The following IQUB variants were observed in gnomAD, a reference collection of about 807,000 sequenced individuals.
IQUB encodes IQ motif and ubiquitin domain containing.
Under a neutral mutation model 86.4 loss-of-function variants are expected in IQUB, and 86 were observed. That is an observed-to-expected ratio of 1.00 (90% CI 0.84 to 1.19). The LOEUF (loss-of-function observed/expected upper bound fraction) is 1.19. IQUB is among the 50% of genes most tolerant of loss of function. The pLI is 0.00. For missense variants in IQUB, 946 were observed against 916.9 expected (o/e 1.03, Z -0.41); for synonymous variants, 289 against 304.5 (o/e 0.95, Z 0.53).
chr7:123,466,503 C>G (rs895261775), intron 9 of IQUB, among the ~76,000 whole-genome samples: 4 of 152,086 alleles, frequency 2.6e-5, no homozygotes, highest in Non-Finnish European at 5.9e-5. Context: ...AGGTGGGTCA[C>G]TACACAAACA....
chr7:123,523,822 T>G (rs1026199701), intron 1 of IQUB, among the ~76,000 whole-genome samples: 1 of 152,124 alleles, frequency 6.6e-6, no homozygotes, highest in Non-Finnish European at 1.5e-5. Context: ...TCTTGTAGGG[T>G]TTTTATGGTT....
intron 11 of IQUB, 119 bp downstream of exon 11, chr7:123,461,238 A>C: frequency 2.0e-6 from 2 of 1,011,894 alleles, no homozygotes; most frequent in Non-Finnish European, 2.9e-6. Flanking sequence ...CAGAGCTTAC[A>C]GTCTAGTGGA....
chr7:123,497,599 A>G (rs1262311085), intron 6 of IQUB, among the ~76,000 whole-genome samples: 2 of 151,952 alleles, frequency 1.3e-5, no homozygotes, highest in African/African-American at 2.4e-5. Flanking sequence ...TTTTTCTGAG[A>G]GTTTATAATT....
At chr7:123,523,256 T>C (rs1797002716) in intron 1 of IQUB, among the ~76,000 whole-genome samples, 1 of 144,006 alleles carries the variant, frequency 6.9e-6, no homozygotes, top group Non-Finnish European at 1.5e-5. Flanking sequence ...TTTCTAGTTC[T>C]AGATCCCTGA....
intron 7 of IQUB, among the ~76,000 whole-genome samples, chr7:123,486,871 C>T (rs188299434): frequency 1.4e-3 from 138 of 97,414 alleles, no homozygotes; most frequent in Non-Finnish European, 1.8e-3. Flanking sequence ...AGGTAATAAG[C>T]TTATTCAGCC....
chr7:123,472,307 A>C (rs561341580), intron 8 of IQUB, among the ~76,000 whole-genome samples: 1 of 152,260 alleles, frequency 6.6e-6, no homozygotes, highest in Admixed American at 6.5e-5. Context: ...TTTCTCATGT[A>C]GTTCTATATA....
Position 123,461,863 on chromosome 7 carries a change from A to T in IQUB, c.1759-258T>A, listed in dbSNP as rs768536507. Among the ~76,000 whole-genome samples, 82 of 151,816 alleles carry T rather than the reference A, an allele frequency of 5.4e-4. 4 individuals carry two copies. Among genetic ancestry groups the T allele is most frequent in the Non-Finnish European group, 1.6e-4 (11 of 67,802 alleles). On this transcript the variant is annotated intron_variant, in intron 10 of 12. Transcript: ENST00000324698. ...CATCAGTTCTTAGATATTTGTGGTA[A>T]AATCACTTATAAAATTAATTGACTG... is the stretch of plus-strand genomic sequence containing the variant.
chr7:123,476,139 C>T (rs934988108), intron 8 of IQUB, among the ~76,000 whole-genome samples: 2 of 151,948 alleles, frequency 1.3e-5, no homozygotes, highest in African/African-American at 4.8e-5. Context: ...TAAATGACAA[C>T]TCTTTCCTTT....
chr7:123,467,148 A>C (rs1189265749), intron 9 of IQUB, among the ~76,000 whole-genome samples: 1 of 151,444 alleles, frequency 6.6e-6, no homozygotes, highest in Non-Finnish European at 1.5e-5. Flanking sequence ...ATTTATTTAC[A>C]CTGACCATAA....
chr7:123,523,963 C>T (rs1797048035), intron 1 of IQUB, among the ~76,000 whole-genome samples: 1 of 152,016 alleles, frequency 6.6e-6, no homozygotes, highest in South Asian at 2.1e-4. Context: ...AATAGGGAAT[C>T]CTTTCCCCAT....
intron 1 of IQUB, among the ~76,000 whole-genome samples, chr7:123,517,545 A>G (rs1055136205): frequency 6.7e-6 from 1 of 149,700 alleles, no homozygotes; most frequent in African/African-American, 2.4e-5. Flanking sequence ...AAAAAAAAAA[A>G]AAAAAAAAAA....
At position 123,505,869 on chromosome 7, in the gene IQUB, C is replaced by G. The variant is rs188151747; in HGVS notation, c.533-2506G>C. Among the ~76,000 whole-genome samples, 447 of 152,292 alleles carry G rather than the reference C, an allele frequency of 2.9e-3. 2 individuals are homozygous for G. Among genetic ancestry groups the G allele is most frequent in the Non-Finnish European group, 4.9e-3 (334 of 68,020 alleles). On this transcript the variant is annotated intron_variant, in intron 3 of 12. Transcript: ENST00000324698. Reference sequence around the variant, plus strand: ...TTTTCTTTTCTACCAAATGATCAGGCTACACATTTTCTAAATTTTTATGCT... The same window carrying G: ...TTTTCTTTTCTACCAAATGATCAGGGTACACATTTTCTAAATTTTTATGCT...
intron 2 of IQUB, among the ~76,000 whole-genome samples, chr7:123,510,760 T>C (rs1796380159): frequency 6.6e-6 from 1 of 152,120 alleles, no homozygotes; most frequent in East Asian, 1.9e-4. Flanking sequence ...GCATTGGTAA[T>C]GCGAAGGTTC....
chr7:123,488,609 A>G (rs976601140), intron 7 of IQUB, among the ~76,000 whole-genome samples: 4 of 152,208 alleles, frequency 2.6e-5, no homozygotes, highest in African/African-American at 9.7e-5. Context: ...TCCACCCTAC[A>G]TACACACAGA....
rs949209438 is a variant in IQUB, at chr7:123,524,059, C to T, written c.-5+10433G>A. Among the ~76,000 whole-genome samples, 70 of 142,700 alleles carry T rather than the reference C, an allele frequency of 4.9e-4. 1 individual carries two copies. Among genetic ancestry groups the T allele is most frequent in the African/African-American group, 1.8e-3 (69 of 38,402 alleles). 93.6% of individuals were successfully genotyped at this position (142,700 alleles called of 152,430 possible). A position where few individuals can be genotyped will look rare whatever the true frequency, so the allele number is the denominator to read the frequency against. ...GAGGGCTTTGTTCTGTTCCATTGAT[C>T]TATATCTCTGTTTTGGTACCAGTAC... On this transcript the variant is annotated intron_variant, in intron 1 of 12. Coordinates refer to ENST00000324698, the MANE Select transcript of IQUB (RefSeq NM_178827.5).
intron 1 of IQUB, among the ~76,000 whole-genome samples, chr7:123,526,838 A>G (rs549396627): frequency 4.7e-4 from 71 of 152,234 alleles, no homozygotes; most frequent in African/African-American, 1.4e-3. Flanking sequence ...GGCTGGTACC[A>G]GTTGTTCCTT....
intron 1 of IQUB, among the ~76,000 whole-genome samples, chr7:123,514,946 C>T (rs2117280386): frequency 6.6e-6 from 1 of 152,146 alleles, no homozygotes; most frequent in Middle Eastern, 3.4e-3. Flanking sequence ...CTTAAATATG[C>T]ACAGTTAAAT....
At chr7:123,493,174 C>T (rs545894866) in intron 7 of IQUB, among the ~76,000 whole-genome samples, 7 of 152,244 alleles carry the variant, frequency 4.6e-5, no homozygotes, top group Middle Eastern at 3.4e-3. Flanking sequence ...CAACAATCCT[C>T]GTTGTCCCCC....
At position 123,452,764 on chromosome 7, in the gene IQUB, T is replaced by G; in HGVS notation, c.2355A>C (p.Glu785Asp). ...TCACCTAATGAGGAGGCCTCTGGGA[T>G]TCTATAATCTTAGGTGTTGTGTCTG... ...YHSDTTPKII[E>D]SQRPPH Residue 785 changes from glutamate (E) to aspartate (D), a missense_variant, in exon 13 of 13, where the codon GAA (glutamate) becomes GAC (aspartate). By Grantham distance (45) the Glu-to-Asp change is conservative. Coordinates refer to ENST00000324698, the MANE Select transcript of IQUB (RefSeq NM_178827.5). The G allele has an allele frequency of 6.2e-7, 1 of 1,612,366 alleles. No individual in the cohort carries two copies. The highest frequency in any genetic ancestry group is 8.5e-7 in the Non-Finnish European group (1 of 1,179,032).
Sources: allele counts gnomAD v4.1 joint callset (sites outside exome capture counted in the v4.1 genomes callset), GRCh38; gene constraint gnomAD v4.1.1; transcripts MANE v1.5; gene names NCBI Gene and HGNC (gene_info 2026-07-23, HGNC 2026-07-21).